Variants in ST6GALNAC3 observed in about 807,000 individuals in gnomAD.
ST6GALNAC3 encodes the protein alpha-N-acetylgalactosaminide alpha-2,6-sialyltransferase 3.
Under a neutral mutation model 32.7 loss-of-function variants are expected in ST6GALNAC3, and 25 were observed. That is an observed-to-expected ratio of 0.76 (90% CI 0.56 to 1.07). The LOEUF (loss-of-function observed/expected upper bound fraction) is 1.07. ST6GALNAC3 is among the 50% of genes least tolerant of loss of function. The pLI, the probability that ST6GALNAC3 is intolerant of heterozygous loss-of-function variation, is 0.00. For missense variants in ST6GALNAC3, 355 were observed against 382.4 expected (o/e 0.93, Z 0.60); for synonymous variants, 129 against 133.1 (o/e 0.97, Z 0.21).
At chr1:76,377,494 T>C (rs1651331501) in intron 2 of ST6GALNAC3, among the ~76,000 whole-genome samples, 1 of 152,010 alleles carries the variant, frequency 6.6e-6, no homozygotes, top group Admixed American at 6.6e-5. Flanking sequence ...AAGTGCTACA[T>C]ACTTCCAAAT....
In ST6GALNAC3 at chr1:76,630,542, C is replaced by T. The variant is rs534319974; in HGVS notation, c.*1736C>T. 1.0e-6 allele frequency: 1 copy of T among 985,256 alleles called. No homozygotes were observed. The highest frequency in any genetic ancestry group is 4.7e-5 in the South Asian group (1 of 21,280). 61.0% of individuals were successfully genotyped at this position (985,256 alleles called of 1,614,324 possible). ...TGCAGAATGATTCAAAAGACAAAAG[C>T]CAGGCTCAACTTATAGAATGTTTTG... On this transcript the variant is annotated 3_prime_UTR_variant, in exon 5 of 5. Transcript: ENST00000328299.
chr1:76,348,443 C>A (rs564957517), intron 2 of ST6GALNAC3, among the ~76,000 whole-genome samples: 1 of 152,306 alleles, frequency 6.6e-6, no homozygotes, highest in East Asian at 1.9e-4. Flanking sequence ...GCTATGCCAA[C>A]TTCCCATTTA....
At chr1:76,195,758 T>A (rs1256643590) in intron 1 of ST6GALNAC3, among the ~76,000 whole-genome samples, 1 of 152,228 alleles carries the variant, frequency 6.6e-6, no homozygotes, top group African/African-American at 2.4e-5. Flanking sequence ...TAACATCCCC[T>A]ACTCCCCAAC....
intron 3 of ST6GALNAC3, among the ~76,000 whole-genome samples, chr1:76,533,700 T>C (rs527236995): frequency 1.3e-5 from 2 of 152,174 alleles, no homozygotes; most frequent in Non-Finnish European, 2.9e-5. Context: ...AGCCTGAATA[T>C]GGTCCGTACA....
chr1:76,112,450 C>G (rs1245220656), intron 1 of ST6GALNAC3, among the ~76,000 whole-genome samples: 2 of 148,712 alleles, frequency 1.3e-5, no homozygotes, highest in South Asian at 4.3e-4. Flanking sequence ...CCGGACGGGG[C>G]GGCTGGCCGG....
intron 3 of ST6GALNAC3, among the ~76,000 whole-genome samples, chr1:76,626,397 C>T (rs904040116): frequency 6.6e-6 from 1 of 151,864 alleles, no homozygotes; most frequent in Non-Finnish European, 1.5e-5. Context: ...GATGGACAGT[C>T]ATCTCTTTTG....
chr1:76,220,121 C>A (rs1034894831), intron 1 of ST6GALNAC3, among the ~76,000 whole-genome samples: 1 of 152,052 alleles, frequency 6.6e-6, no homozygotes, highest in African/African-American at 2.4e-5. Context: ...TTTTTGGGTT[C>A]TTTGATTCAA....
intron 3 of ST6GALNAC3, among the ~76,000 whole-genome samples, chr1:76,421,761 T>C (rs1655043376): frequency 6.6e-6 from 1 of 152,048 alleles, no homozygotes; most frequent in Non-Finnish European, 1.5e-5. Context: ...ACCAACTGCA[T>C]AAATGAAGAA....
intron 1 of ST6GALNAC3, among the ~76,000 whole-genome samples, chr1:76,298,189 A>G (rs1375112861): frequency 6.6e-6 from 1 of 152,008 alleles, no homozygotes; most frequent in Non-Finnish European, 1.5e-5. Flanking sequence ...CTCTCACCTA[A>G]GTAGGAAATG....
Position 76,629,610 on chromosome 1 carries a change from A to G in ST6GALNAC3, c.*804A>G. 2 of 984,702 alleles carry G rather than the reference A, an allele frequency of 2.0e-6. No individual in the cohort carries two copies. Among genetic ancestry groups the G allele is most frequent in the Non-Finnish European group, 2.4e-6 (2 of 828,956 alleles). The allele number at this position is 984,702 out of a possible 1,614,324, so 61.0% of individuals were successfully genotyped here. A position where few individuals can be genotyped will look rare whatever the true frequency, so the allele number is the denominator to read the frequency against. ...TATTTCAGAAGGCTACTTAACATGTAAGATACCAACTTCAACACTGTAATA... is the reference window on the plus strand; with the variant it reads ...TATTTCAGAAGGCTACTTAACATGTGAGATACCAACTTCAACACTGTAATA... On this transcript the variant is annotated 3_prime_UTR_variant, in exon 5 of 5. Coordinates refer to ENST00000328299, the MANE Select transcript of ST6GALNAC3 (RefSeq NM_152996.4).
At chr1:76,560,606 A>T (rs1665192043) in intron 3 of ST6GALNAC3, among the ~76,000 whole-genome samples, 1 of 152,344 alleles carries the variant, frequency 6.6e-6, no homozygotes, top group Admixed American at 6.5e-5. Flanking sequence ...TGATCATCAG[A>T]AAAGTGAAAA....
intron 3 of ST6GALNAC3, among the ~76,000 whole-genome samples, chr1:76,534,050 T>C (rs1663436200): frequency 6.6e-6 from 1 of 152,084 alleles, no homozygotes; most frequent in African/African-American, 2.4e-5. Context: ...TATATCTTTT[T>C]TCTTTTTTTT....
intron 3 of ST6GALNAC3, among the ~76,000 whole-genome samples, chr1:76,570,602 T>G (rs1175756738): frequency 6.6e-6 from 1 of 152,156 alleles, no homozygotes; most frequent in Non-Finnish European, 1.5e-5. Flanking sequence ...AGTTGATTCT[T>G]TATACTAACA....
intron 3 of ST6GALNAC3, among the ~76,000 whole-genome samples, chr1:76,435,676 T>G (rs1347654179): frequency 6.6e-6 from 1 of 152,112 alleles, no homozygotes; most frequent in African/African-American, 2.4e-5. Context: ...TTCTTTTTTC[T>G]TTCTGAAAAA....
chr1:76,148,424 CT>C (rs1424894234), intron 1 of ST6GALNAC3, among the ~76,000 whole-genome samples: 1 of 152,166 alleles, frequency 6.6e-6, no homozygotes, highest in Admixed American at 6.5e-5. Flanking sequence ...CACATTTCAT[CT>C]ACATTTCCCC....
chr1:76,210,461 C>G (rs1017304240), intron 1 of ST6GALNAC3, among the ~76,000 whole-genome samples: 21 of 152,144 alleles, frequency 1.4e-4, no homozygotes, highest in Non-Finnish European at 2.9e-4. Context: ...TGAACCAAGT[C>G]TAATATCTAT....
chr1:76,536,552 G>T (rs770772713), intron 3 of ST6GALNAC3, among the ~76,000 whole-genome samples: 7 of 148,406 alleles, frequency 4.7e-5, no homozygotes, highest in Non-Finnish European at 7.4e-5. Flanking sequence ...TCTCCACATT[G>T]TCACTCCCCC....
intron 1 of ST6GALNAC3, among the ~76,000 whole-genome samples, chr1:76,203,045 G>A (rs973867572): frequency 2.0e-5 from 3 of 152,160 alleles, no homozygotes; most frequent in African/African-American, 7.2e-5. Context: ...AAGTGAAATT[G>A]TTGGATTACG....
chr1:76,278,928 G>A (rs1659340545), intron 1 of ST6GALNAC3, among the ~76,000 whole-genome samples: 1 of 152,172 alleles, frequency 6.6e-6, no homozygotes, highest in African/African-American at 2.4e-5. Flanking sequence ...CAAGAAGAAT[G>A]TTCACAATTT....
Sources: gnomAD v4.1 joint callset for allele counts (sites outside exome capture counted in the v4.1 genomes callset) on GRCh38, gnomAD v4.1.1 for gene constraint, MANE v1.5 for transcripts, NCBI Gene and HGNC (gene_info 2026-07-23, HGNC 2026-07-21) for gene names.